Variants in BABAM2 observed in about 807,000 individuals in gnomAD.
BABAM2 encodes the protein BRISC and BRCA1 A complex member 2.
In BABAM2, 31 loss-of-function variants were observed where a neutral mutation model predicts 54.7. The ratio of observed to expected loss-of-function variants is 0.57; its 90% CI spans 0.43 to 0.77. The LOEUF is 0.77. BABAM2 is among the 30% of genes least tolerant of loss of function. The pLI is 0.00. For missense variants in BABAM2, 364 were observed against 455.8 expected, an observed-to-expected ratio of 0.80 and a Z score of 1.83; for synonymous variants, 167 against 162.9, an observed-to-expected ratio of 1.03 and a Z score of -0.19.
At position 28,045,809 on chromosome 2, in the gene BABAM2, T is replaced by C. The variant is rs746261636; in HGVS notation, c.570+10T>C. ...CACATACCTTCTCAAGGTAAAAATA[T>C]ATGATTTTCAGTATGAGAATATAAG... On this transcript the variant is annotated intron_variant, in intron 6 of 11. Coordinates refer to ENST00000379624, the MANE Select transcript of BABAM2 (RefSeq NM_199191.3). 5.0e-6 allele frequency: 8 copies of C among 1,597,066 alleles called. No individual in the cohort carries two copies. The highest frequency in any genetic ancestry group is 6.9e-6 in the Non-Finnish European group (8 of 1,167,656).
At chr2:28,191,364 A>G (rs1417449379) in intron 7 of BABAM2, among the ~76,000 whole-genome samples, 2 of 152,266 alleles carry the variant, frequency 1.3e-5, no homozygotes, top group Non-Finnish European at 2.9e-5. Context: ...TACAACTGCC[A>G]GATGACCCAG....
chr2:28,267,017 G>A (rs1001586629), intron 10 of BABAM2, among the ~76,000 whole-genome samples: 2 of 152,182 alleles, frequency 1.3e-5, no homozygotes, highest in African/African-American at 2.4e-5. Context: ...TTAGCTGGGT[G>A]TGGTGACAGG....
intron 7 of BABAM2, among the ~76,000 whole-genome samples, chr2:28,203,339 TAC>T (rs1394154516): frequency 6.6e-6 from 1 of 152,224 alleles, no homozygotes; most frequent in African/African-American, 2.4e-5. Flanking sequence ...TCCATTTAGC[TAC>T]ATATGTCAAT....
At chr2:28,103,859 C>A (rs1017485264) in intron 6 of BABAM2, among the ~76,000 whole-genome samples, 1 of 152,192 alleles carries the variant, frequency 6.6e-6, no homozygotes, top group Non-Finnish European at 1.5e-5. Context: ...CCTAGGTTGG[C>A]CTTTGGCTTT....
At chr2:27,962,664 T>C (rs1448496748) in intron 3 of BABAM2, among the ~76,000 whole-genome samples, 4 of 152,234 alleles carry the variant, frequency 2.6e-5, no homozygotes, top group African/African-American at 9.6e-5. Flanking sequence ...GCAAATTTAA[T>C]TAAAATAGAA....
At chr2:27,952,893 A>G (rs1218719385) in intron 3 of BABAM2, among the ~76,000 whole-genome samples, 1 of 152,230 alleles carries the variant, frequency 6.6e-6, no homozygotes, top group Non-Finnish European at 1.5e-5. Flanking sequence ...GCTGCTGTCA[A>G]ACCTCCAATT....
chr2:27,963,939 G>T (rs1232148974), intron 3 of BABAM2, among the ~76,000 whole-genome samples: 1 of 152,190 alleles, frequency 6.6e-6, no homozygotes, highest in Non-Finnish European at 1.5e-5. Context: ...TAGTACGTTG[G>T]TTTGGAAGCA....
intron 11 of BABAM2, among the ~76,000 whole-genome samples, chr2:28,333,102 A>G (rs1385779943): frequency 6.6e-6 from 1 of 151,954 alleles, no homozygotes; most frequent in Non-Finnish European, 1.5e-5. Flanking sequence ...GCGGGTACCC[A>G]TGATAATAGT....
chr2:28,279,285 AG>A (rs1178947142), intron 10 of BABAM2, among the ~76,000 whole-genome samples: 18 of 152,088 alleles, frequency 1.2e-4, no homozygotes, highest in Non-Finnish European at 2.5e-4. Flanking sequence ...CTTGGACCTG[AG>A]GTTTCGTCAG....
At chr2:28,247,042 T>C (rs1301272799) in intron 10 of BABAM2, among the ~76,000 whole-genome samples, 1 of 152,220 alleles carries the variant, frequency 6.6e-6, no homozygotes, top group Non-Finnish European at 1.5e-5. Context: ...AGTCCCAAAG[T>C]CATCTTTTCA....
chr2:27,930,393 T>C (rs1401419403), intron 3 of BABAM2: 1 of 157,426 alleles, frequency 6.4e-6, no homozygotes, highest in African/African-American at 2.4e-5. Context: ...CATATCAACA[T>C]GTTATCTCCT....
intron 3 of BABAM2, among the ~76,000 whole-genome samples, chr2:27,960,782 T>C (rs1670410102): frequency 6.6e-6 from 1 of 152,168 alleles, no homozygotes. Flanking sequence ...GTCCAGGACT[T>C]CTGAGTCCCA....
intron 6 of BABAM2, among the ~76,000 whole-genome samples, chr2:28,099,371 C>G (rs1009839562): frequency 6.6e-6 from 1 of 152,016 alleles, no homozygotes; most frequent in Non-Finnish European, 1.5e-5. Context: ...TGGGGAGAAC[C>G]TGACAACCTG....
At chr2:28,148,324 G>A (rs1475313663) in intron 7 of BABAM2, among the ~76,000 whole-genome samples, 3 of 152,258 alleles carry the variant, frequency 2.0e-5, no homozygotes, top group Middle Eastern at 3.4e-3. Context: ...TGTTTATTAA[G>A]CTTATGCATT....
chr2:28,188,656 C>A (rs907228383), intron 7 of BABAM2, among the ~76,000 whole-genome samples: 1 of 152,060 alleles, frequency 6.6e-6, no homozygotes, highest in African/African-American at 2.4e-5. Context: ...CAACAGGCCT[C>A]GGGGCTGTTT....
chr2:28,265,607 T>C (rs1290584212), intron 10 of BABAM2, among the ~76,000 whole-genome samples: 1 of 152,052 alleles, frequency 6.6e-6, no homozygotes, highest in Admixed American at 6.6e-5. Flanking sequence ...CTCCAGCATG[T>C]ACAGTCCTAT....
At chr2:27,959,065 T>C (rs929135184) in intron 3 of BABAM2, among the ~76,000 whole-genome samples, 3 of 152,260 alleles carry the variant, frequency 2.0e-5, no homozygotes, top group African/African-American at 7.2e-5. Context: ...GTTCTAACTA[T>C]GAAGCTTTAG....
chr2:28,103,297 A>G (rs933957947), intron 6 of BABAM2, among the ~76,000 whole-genome samples: 3 of 73,326 alleles, frequency 4.1e-5, no homozygotes, highest in Non-Finnish European at 9.9e-5. Context: ...TTATTTACTT[A>G]GTATTTTTGT....
chr2:28,081,246 G>A (rs1012155225), intron 6 of BABAM2, among the ~76,000 whole-genome samples: 6 of 152,132 alleles, frequency 3.9e-5, no homozygotes, highest in South Asian at 2.1e-4. Flanking sequence ...AGGGCAAAGC[G>A]CCTGCATGTG....
Sources: gnomAD v4.1 joint callset for allele counts (sites outside exome capture counted in the v4.1 genomes callset) on GRCh38, gnomAD v4.1.1 for gene constraint, MANE v1.5 for transcripts, NCBI Gene and HGNC (gene_info 2026-07-23, HGNC 2026-07-21) for gene names.